Variants in MPP7 observed in about 807,000 individuals in gnomAD.
The protein encoded by MPP7 is MAGUK p55 scaffold protein 7.
In MPP7, 60 loss-of-function variants were observed where a neutral mutation model predicts 76.5. The ratio of observed to expected loss-of-function variants is 0.78; its 90% CI spans 0.64 to 0.97. The LOEUF (loss-of-function observed/expected upper bound fraction) is 0.97. Ranked by LOEUF, MPP7 falls within the 50% of genes least tolerant of loss-of-function variation. MPP7 has a pLI of 0.00. For missense variants in MPP7, 641 were observed against 694.0 expected, an observed-to-expected ratio of 0.92 and a Z score of 0.86; for synonymous variants, 237 against 244.5, an observed-to-expected ratio of 0.97 and a Z score of 0.29.
At chr10:28,088,304 G>A (rs1290792999) in intron 12 of MPP7, among the ~76,000 whole-genome samples, 1 of 152,160 alleles carries the variant, frequency 6.6e-6, no homozygotes, top group African/African-American at 2.4e-5. Context: ...CAAGTCTCAT[G>A]TTGAACTGTA....
At chr10:28,147,394 G>C in intron 5 of MPP7, 89 bp downstream of exon 5, 1 of 967,198 alleles carries the variant, frequency 1.0e-6, no homozygotes, top group Non-Finnish European at 1.7e-6. Flanking sequence ...ACATTTACTT[G>C]AGAATTGATG....
intron 2 of MPP7, among the ~76,000 whole-genome samples, chr10:28,234,232 C>T (rs961793892): frequency 2.6e-5 from 4 of 152,052 alleles, no homozygotes; most frequent in East Asian, 1.9e-4. Context: ...TCAAGGAAGC[C>T]AACTCAAAGA....
chr10:28,321,303 A>C (rs1834367558), intron 2 of MPP7, among the ~76,000 whole-genome samples: 1 of 152,228 alleles, frequency 6.6e-6, no homozygotes, highest in African/African-American at 2.4e-5. Context: ...ACTGCTCCAA[A>C]CATCTAAATT....
chr10:28,262,481 T>C (rs1392265478), intron 1 of MPP7, among the ~76,000 whole-genome samples: 1 of 151,604 alleles, frequency 6.6e-6, no homozygotes, highest in Non-Finnish European at 1.5e-5. Flanking sequence ...AGCCAGTAAC[T>C]GCAAGTCCTT....
intron 1 of MPP7, chr10:28,289,301 A>G (rs1458762478): frequency 1.1e-5 from 1 of 90,670 alleles, no homozygotes; most frequent in Non-Finnish European, 1.9e-5. Flanking sequence ...ACTCCATCTC[A>G]AAAAAAAAAA....
At chr10:28,099,855 A>G (rs968358009) in intron 11 of MPP7, among the ~76,000 whole-genome samples, 5 of 152,106 alleles carry the variant, frequency 3.3e-5, no homozygotes, top group Non-Finnish European at 7.4e-5. Context: ...GTTTTAAGGA[A>G]TACATTTGTT....
At chr10:28,093,328 T>A (rs1321366535) in intron 11 of MPP7, among the ~76,000 whole-genome samples, 1 of 151,906 alleles carries the variant, frequency 6.6e-6, no homozygotes, top group Non-Finnish European at 1.5e-5. Context: ...CCACAGGAAA[T>A]AACATCCAAA....
At chr10:28,317,355 C>T (rs556965433) in intron 2 of MPP7, among the ~76,000 whole-genome samples, 1 of 152,082 alleles carries the variant, frequency 6.6e-6, no homozygotes, top group East Asian at 1.9e-4. Context: ...TAGGGAGAGC[C>T]CATCTTTACC....
At chr10:28,251,292 C>T (rs1479271966) in intron 1 of MPP7, among the ~76,000 whole-genome samples, 1 of 151,964 alleles carries the variant, frequency 6.6e-6, no homozygotes, top group Non-Finnish European at 1.5e-5. Flanking sequence ...TGGTGAAACC[C>T]CATCTCTACT....
At chr10:28,079,665 C>T (rs976777719) in intron 12 of MPP7, among the ~76,000 whole-genome samples, 2 of 152,144 alleles carry the variant, frequency 1.3e-5, no homozygotes, top group Non-Finnish European at 2.9e-5. Flanking sequence ...CTGTTAATGG[C>T]CATGGTCTCA....
intron 15 of MPP7, among the ~76,000 whole-genome samples, chr10:28,057,406 C>T (rs7921052): frequency 0.31 from 47,730 of 151,722 alleles, 8,777 homozygotes; most frequent in East Asian, 0.65. Flanking sequence ...AGTCAGTTCT[C>T]GTGAGACCCT....
chr10:28,129,309 A>C (rs1835119156), intron 6 of MPP7, among the ~76,000 whole-genome samples: 1 of 152,214 alleles, frequency 6.6e-6, no homozygotes, highest in Non-Finnish European at 1.5e-5. Context: ...TTATTTTCCT[A>C]CATAATTATT....
chr10:28,289,050 A>T (rs1374025871), intron 1 of MPP7, among the ~76,000 whole-genome samples: 2 of 152,148 alleles, frequency 1.3e-5, no homozygotes, highest in African/African-American at 4.8e-5. Context: ...CTGTAATCCC[A>T]GCACTTTGGG....
chr10:28,118,936 T>G, intron 11 of MPP7: 1 of 985,430 alleles, frequency 1.0e-6, no homozygotes, highest in Non-Finnish European at 1.2e-6. Flanking sequence ...AACAAAGGGT[T>G]GGTTTTTTCC....
intron 2 of MPP7, among the ~76,000 whole-genome samples, chr10:28,310,464 C>T (rs1841283760): frequency 6.6e-6 from 1 of 152,148 alleles, no homozygotes; most frequent in African/African-American, 2.4e-5. Context: ...AACTCGTTGC[C>T]ACCATGGTAC....
In MPP7 at chr10:28,120,625, C is replaced by T. The variant is rs1834805744; in HGVS notation, c.659G>A (p.Ser220Asn). 2 of 1,613,656 alleles carry T rather than the reference C, an allele frequency of 1.2e-6. No individual in the cohort carries two copies. The highest frequency in any genetic ancestry group is 1.7e-6 in the Non-Finnish European group (2 of 1,179,862). The change falls in exon 9 of 17, where the codon AGC becomes AAC. Residue 220 changes from serine to asparagine, a missense_variant. By Grantham distance (46) the Ser-to-Asn change is conservative. Transcript: ENST00000683449. ...TTCTTTTGATGGTGTCTCCTCTTTGCTGCCGGGTATAATCTTAAATGTAAT... is the reference window on the plus strand; with the variant it reads ...TTCTTTTGATGGTGTCTCCTCTTTGTTGCCGGGTATAATCTTAAATGTAAT... ...GAITFKIIPG[S>N]KEETPSKEGK...
rs987428139 is a variant in MPP7 at position 28,124,828 on chromosome 10, T to C, written c.529+182A>G. ...TGGATGCTTGTGTACAAGAAGACCA[T>C]AGAGTAATGTTTATCTATCATTTAT... is the stretch of plus-strand genomic sequence containing the variant. On this transcript the variant is annotated intron_variant, in intron 7 of 16. Coordinates refer to ENST00000683449, the MANE Select transcript of MPP7 (RefSeq NM_001318170.2). Among the ~76,000 whole-genome samples, 4 of 152,102 alleles carry C rather than the reference T, an allele frequency of 2.6e-5. No homozygotes were observed. In the East Asian group the frequency reaches 5.8e-4, roughly 22 times the overall value.
chr10:28,276,030 CTTT>C (rs537127115), intron 1 of MPP7, among the ~76,000 whole-genome samples: 3 of 131,208 alleles, frequency 2.3e-5, no homozygotes, highest in Admixed American at 7.8e-5. Flanking sequence ...CCATCACATA[CTTT>C]TTTTTTTTTT....
rs201556820 is a variant in MPP7 at position 28,054,055 on chromosome 10, T to G, written c.*10A>C. On this transcript the variant is annotated 3_prime_UTR_variant, in exon 17 of 17. Coordinates refer to ENST00000683449, the MANE Select transcript of MPP7 (RefSeq NM_001318170.2). ...CTATAGAAAAAGACAATTATGGAAA[T>G]TTCTCTTAGTTATGAATGTAACCAG... 3 of 1,602,376 alleles carry G rather than the reference T, an allele frequency of 1.9e-6. No homozygotes were observed. Among genetic ancestry groups the G allele is most frequent in the Non-Finnish European group, 1.7e-6 (2 of 1,173,098 alleles).
Sources: allele counts gnomAD v4.1 joint callset (sites outside exome capture counted in the v4.1 genomes callset), GRCh38; gene constraint gnomAD v4.1.1; transcripts MANE v1.5; gene names NCBI Gene and HGNC (gene_info 2026-07-23, HGNC 2026-07-21).